The following HYDIN variants were observed in gnomAD, a reference collection of about 807,000 sequenced individuals.
HYDIN encodes axonemal central pair apparatus protein HYDIN.
Under a neutral mutation model 403.9 loss-of-function variants are expected in HYDIN, and 132 were observed. The observed-to-expected ratio is 0.33, with a 90% CI of 0.28 to 0.38. The LOEUF (loss-of-function observed/expected upper bound fraction) is 0.38, where lower values mean the gene tolerates loss of function less well. Ranked by LOEUF, HYDIN falls within the 10% of genes least tolerant of loss-of-function variation. The probability of loss-of-function intolerance (pLI) is 1.00; values close to 1 mark genes in which losing one functional copy is unlikely to be tolerated. For missense variants in HYDIN, 2,827 were observed against 5,009.5 expected (o/e 0.56, Z 13.15); for synonymous variants, 1,202 against 1,891.7 (o/e 0.64, Z 9.46).
chr16:70,807,820 G>T lies in HYDIN; in HGVS notation c.15126C>A (p.Phe5042Leu), dbSNP rs1050923736. Reference protein sequence around the residue: ...IRAGYSIIIPFKNVFYHMVTF... With the variant: ...IRAGYSIIIPLKNVFYHMVTF... Reference sequence around the variant, plus strand: ...TCACCATGTGATAGAAGACATTCTTGAAGGGGATGATTATGCTGTACCCGG... The same window carrying T: ...TCACCATGTGATAGAAGACATTCTTTAAGGGGATGATTATGCTGTACCCGG... The change falls in exon 86 of 86, where the codon TTC becomes TTA. Residue 5042 changes from phenylalanine (F) to leucine (L), a missense_variant. Transcript: ENST00000393567. 1 of 1,614,102 alleles carries T rather than the reference G, an allele frequency of 6.2e-7. No homozygotes were observed. The highest frequency in any genetic ancestry group is 1.1e-5 in the South Asian group (1 of 91,092).
chr16:71,204,944 T>A (rs911840549), intron 1 of HYDIN, among the ~76,000 whole-genome samples: 6 of 152,066 alleles, frequency 3.9e-5, no homozygotes, highest in Non-Finnish European at 5.9e-5. Context: ...GAAAAAAAAA[T>A]TAATCTCCTT....
chr16:71,150,433 A>G (rs2085494313), intron 7 of HYDIN, among the ~76,000 whole-genome samples: 1 of 151,918 alleles, frequency 6.6e-6, no homozygotes, highest in South Asian at 2.1e-4. Context: ...GTGCAATAAT[A>G]GATTAAGTAT....
At chr16:71,043,984 G>C (rs1214555248) in intron 18 of HYDIN, among the ~76,000 whole-genome samples, 2 of 152,074 alleles carry the variant, frequency 1.3e-5, no homozygotes, top group African/African-American at 4.8e-5. Context: ...TGGAGAGAGA[G>C]AGAGAAAAAG....
chr16:70,904,421 A>C (rs1472974495), intron 50 of HYDIN, among the ~76,000 whole-genome samples: 1 of 117,652 alleles, frequency 8.5e-6, no homozygotes, highest in Non-Finnish European at 1.8e-5. Context: ...CCTGAGAAAT[A>C]TGTAGATCTA....
At chr16:71,121,866 T>C (rs897456140) in intron 9 of HYDIN, among the ~76,000 whole-genome samples, 3 of 152,076 alleles carry the variant, frequency 2.0e-5, no homozygotes, top group Non-Finnish European at 2.9e-5. Context: ...AAATAGAAGC[T>C]AAAAAACTGA....
chr16:70,806,902 T>C lies in HYDIN; in HGVS notation c.*678A>G, dbSNP rs957154031. Among the ~76,000 whole-genome samples, 3 of 152,142 alleles carry C rather than the reference T, an allele frequency of 2.0e-5. No individual in the cohort carries two copies. The highest frequency in any genetic ancestry group is 7.2e-5 in the African/African-American group (3 of 41,422). ...GATGGGTTGAGAATCCCTGCTCTCC[T>C]GCTGAATGCTATCCAAGGCGGGGTG... On this transcript the variant is annotated 3_prime_UTR_variant, in exon 86 of 86. Transcript: ENST00000393567.
intron 84 of HYDIN, among the ~76,000 whole-genome samples, chr16:70,817,806 G>A (rs2355396): frequency 0.71 from 107,908 of 151,842 alleles, 39,059 homozygotes; most frequent in African/African-American, 0.85. Flanking sequence ...CAGTGGCACA[G>A]TCTCGGCTCA....
At chr16:71,123,119 C>T (rs113144513) in intron 9 of HYDIN, among the ~76,000 whole-genome samples, 172 of 78,120 alleles carry the variant, frequency 2.2e-3, no homozygotes, top group African/African-American at 8.3e-3. Flanking sequence ...AAGCTTGATT[C>T]TCTCTTTCTG....
intron 1 of HYDIN, chr16:71,203,651 C>T (rs1422385376): frequency 2.3e-6 from 1 of 440,408 alleles, no homozygotes; most frequent in African/African-American, 2.0e-5. Context: ...GATTAGGTAA[C>T]CCAGGACAGG....
At chr16:71,227,405 C>T (rs984735827) in intron 1 of HYDIN, among the ~76,000 whole-genome samples, 6 of 152,066 alleles carry the variant, frequency 3.9e-5, no homozygotes, top group South Asian at 2.1e-4. Context: ...GATTGTATAT[C>T]TAGGAAACCC....
chr16:71,213,232 G>A (rs1035456261), intron 1 of HYDIN, among the ~76,000 whole-genome samples: 2 of 152,018 alleles, frequency 1.3e-5, no homozygotes, highest in Non-Finnish European at 1.5e-5. Context: ...AAATCTAAGA[G>A]GCAAGAAGAA....
At chr16:71,019,591 T>A (rs1247480698) in intron 22 of HYDIN, among the ~76,000 whole-genome samples, 3 of 152,292 alleles carry the variant, frequency 2.0e-5, no homozygotes, top group Non-Finnish European at 4.4e-5. Context: ...TGCTTGGTGA[T>A]TAAATGTTTT....
At chr16:70,942,991 T>A (rs1040565913) in intron 42 of HYDIN, among the ~76,000 whole-genome samples, 1 of 152,126 alleles carries the variant, frequency 6.6e-6, no homozygotes, top group African/African-American at 2.4e-5. Context: ...ACATAAAAAC[T>A]TTCTTGTGAT....
chr16:71,100,088 A>C (rs2083410110), intron 10 of HYDIN, among the ~76,000 whole-genome samples: 1 of 152,294 alleles, frequency 6.6e-6, no homozygotes, highest in Non-Finnish European at 1.5e-5. Context: ...TTCTATATCC[A>C]GCAACAGTCA....
chr16:71,175,233 A>G (rs1165305499), intron 5 of HYDIN, among the ~76,000 whole-genome samples: 1 of 151,416 alleles, frequency 6.6e-6, no homozygotes, highest in African/African-American at 2.4e-5. Flanking sequence ...ACACTACCAT[A>G]CTACTAATAC....
At chr16:70,835,487 G>T (rs889806263) in intron 78 of HYDIN, among the ~76,000 whole-genome samples, 189 bp downstream of exon 78, 1 of 152,204 alleles carries the variant, frequency 6.6e-6, no homozygotes, top group Non-Finnish European at 1.5e-5. Context: ...AACAGTGTGG[G>T]ACTAGTGCAC....
In HYDIN at chr16:70,991,392, C is replaced by G. The variant is rs761004280; in HGVS notation, c.3790G>C (p.Val1264Leu). ...EMDLNDFVKT[V>L]LVDEDARPEE... ...GGCCTGGCATCTTCATCCACAAGGA[C>G]AGTCCTAGGAAGTTTAATGAAATGC... The change falls in exon 25 of 86, where the codon GTC (valine) becomes CTC (leucine). Residue 1264 changes from valine (V) to leucine (L), a missense_variant. Transcript: ENST00000393567. 3 of 1,613,720 alleles carry G rather than the reference C, an allele frequency of 1.9e-6. No individual in the cohort carries two copies. Among genetic ancestry groups the G allele is most frequent in the South Asian group, 1.1e-5 (1 of 91,072 alleles).
At chr16:70,899,654 C>A (rs932270153) in intron 53 of HYDIN, among the ~76,000 whole-genome samples, 1 of 152,200 alleles carries the variant, frequency 6.6e-6, no homozygotes, top group African/African-American at 2.4e-5. Context: ...TGAGATCCTG[C>A]CCTGATGCAG....
At chr16:71,059,163 G>A (rs1327934722) in intron 18 of HYDIN, among the ~76,000 whole-genome samples, 1 of 152,142 alleles carries the variant, frequency 6.6e-6, no homozygotes, top group Non-Finnish European at 1.5e-5. Context: ...GGACCCATTT[G>A]TCAATTTTTG....
Sources: gnomAD v4.1 joint callset for allele counts (sites outside exome capture counted in the v4.1 genomes callset) on GRCh38, gnomAD v4.1.1 for gene constraint, MANE v1.5 for transcripts, NCBI Gene and HGNC (gene_info 2026-07-23, HGNC 2026-07-21) for gene names.